The following SLC12A6 variants were observed in gnomAD, a reference collection of about 807,000 sequenced individuals.
SLC12A6 encodes K-Cl cotransporter 3.
SLC12A6 carries 66 observed loss-of-function variants against 135.3 expected under a neutral mutation model. The ratio of observed to expected loss-of-function variants is 0.49; its 90% CI spans 0.40 to 0.60. The LOEUF is 0.60. Among genes scored for constraint, SLC12A6 ranks in the 20% least tolerant of loss-of-function variants. The pLI is 0.00. For synonymous variants in SLC12A6, 513 were observed against 508.8 expected, an observed-to-expected ratio of 1.01 and a Z score of -0.11; for missense variants, 1,058 against 1,452.3, an observed-to-expected ratio of 0.73 and a Z score of 4.41.
intron 25 of SLC12A6, among the ~76,000 whole-genome samples, chr15:34,234,930 T>C (rs1186723203): frequency 6.6e-6 from 1 of 152,212 alleles, no homozygotes; most frequent in Non-Finnish European, 1.5e-5. Context: ...GGAAGGGTTT[T>C]ATACACTGAA....
chr15:34,273,334 G>A (rs769084187), intron 3 of SLC12A6, among the ~76,000 whole-genome samples: 1 of 152,182 alleles, frequency 6.6e-6, no homozygotes, highest in African/African-American at 2.4e-5. Flanking sequence ...CTGGGTGACA[G>A]ATCAAGACTC....
chr15:34,253,927 C>T (rs1892562927), intron 9 of SLC12A6, among the ~76,000 whole-genome samples: 1 of 152,190 alleles, frequency 6.6e-6, no homozygotes, highest in African/African-American at 2.4e-5. Context: ...GATAAAAGCC[C>T]TGACCTAGGC....
chr15:34,298,311 C>T (rs1480679742), intron 2 of SLC12A6, among the ~76,000 whole-genome samples: 1 of 152,022 alleles, frequency 6.6e-6, no homozygotes, highest in African/African-American at 2.4e-5. Context: ...CCCGTTTCTA[C>T]TAAAAATACA....
In SLC12A6 at chr15:34,235,431, A is replaced by ATTTTTTTTT. The variant is rs371322623; in HGVS notation, c.3228-126_3228-118dup. The ATTTTTTTTT allele has an allele frequency of 5.3e-3, 2,657 of 500,494 alleles. 3 individuals are homozygous for ATTTTTTTTT. The highest frequency in any genetic ancestry group is 8.8e-3 in the Middle Eastern group (14 of 1,588). 31.0% of individuals were successfully genotyped at this position (500,494 alleles called of 1,614,324 possible). On this transcript the variant is annotated intron_variant, in intron 24 of 25. Transcript: ENST00000354181. ...TGACTATGGATAATCTGATAAAATGATTTTTTTTTTTTTTTTTTTTGAGAG... is the reference window on the plus strand; with the variant it reads ...TGACTATGGATAATCTGATAAAATGATTTTTTTTTTTTTTTTTTTTTTTTTTTTTGAGAG...
intron 2 of SLC12A6, among the ~76,000 whole-genome samples, chr15:34,331,013 G>T (rs772129337): frequency 6.6e-6 from 1 of 151,464 alleles, no homozygotes; most frequent in African/African-American, 2.4e-5. Context: ...TTGCACTCCA[G>T]CCTGGGCGAC....
chr15:34,250,850 C>A (rs1363767390), intron 11 of SLC12A6, 49 bp downstream of exon 11: 7 of 1,529,710 alleles, frequency 4.6e-6, no homozygotes, highest in Non-Finnish European at 6.3e-6. Flanking sequence ...AGAAAAATCA[C>A]TCCGTGGGTC....
intron 2 of SLC12A6, among the ~76,000 whole-genome samples, chr15:34,325,403 C>A (rs1464725335): frequency 6.6e-6 from 1 of 152,120 alleles, no homozygotes; most frequent in East Asian, 1.9e-4. Context: ...GACCAACTAT[C>A]ATGGGATGGT....
chr15:34,308,773 TAGA>T (rs1474723973), intron 2 of SLC12A6, among the ~76,000 whole-genome samples: 4 of 151,814 alleles, frequency 2.6e-5, no homozygotes, highest in Non-Finnish European at 4.4e-5. Context: ...AACAAAACGG[TAGA>T]AGAAGCAGTT....
rs1202745022 is a variant in SLC12A6 at position 34,250,371 on chromosome 15, T to G, written c.1592-16A>C. 2.0e-6 allele frequency: 3 copies of G among 1,532,408 alleles called. No individual in the cohort carries two copies. In the African/African-American group the frequency reaches 4.1e-5, roughly 21 times the overall value. 94.9% of individuals were successfully genotyped at this position (1,532,408 alleles called of 1,614,324 possible). A position where few individuals can be genotyped will look rare whatever the true frequency, so the allele number is the denominator to read the frequency against. ...TTGCTTAAATCTACCATATTGAGAG[T>G]CAAGGAAACTGTTGTTTACCCTCTA... On this transcript the variant is annotated splice_polypyrimidine_tract_variant and intron_variant, in intron 12 of 25. Coordinates refer to ENST00000354181, the MANE Select transcript of SLC12A6 (RefSeq NM_001365088.1).
intron 2 of SLC12A6, among the ~76,000 whole-genome samples, chr15:34,284,222 A>G (rs1490561341): frequency 1.3e-5 from 2 of 150,290 alleles, no homozygotes; most frequent in East Asian, 3.9e-4. Context: ...ACGGAAAGAG[A>G]GCTCACGGGC....
chr15:34,253,430 C>T (rs1485399522), intron 9 of SLC12A6, among the ~76,000 whole-genome samples: 1 of 152,120 alleles, frequency 6.6e-6, no homozygotes, highest in Non-Finnish European at 1.5e-5. Flanking sequence ...TAAAAAGGAC[C>T]TTCAGCTGTA....
intron 13 of SLC12A6, among the ~76,000 whole-genome samples, chr15:34,248,720 G>A (rs573257106): frequency 2.0e-5 from 3 of 152,166 alleles, no homozygotes; most frequent in Admixed American, 6.5e-5. Context: ...AAAACAAGTA[G>A]CTGCAATATA....
intron 6 of SLC12A6, among the ~76,000 whole-genome samples, chr15:34,257,077 AAGG>A (rs1161446773): frequency 2.6e-5 from 4 of 152,174 alleles, no homozygotes. Context: ...AGTGATAAAA[AAGG>A]ACAGTAGAAA....
chr15:34,260,998 T>C lies in SLC12A6; in HGVS notation c.339A>G (p.Arg113=). 1 of 1,574,930 alleles carries C rather than the reference T, an allele frequency of 6.3e-7. No homozygotes were observed. Reference sequence around the variant, plus strand: ...AATTGGAATTATTGAGATAAGCATTTCGAGCTTTCTTATGTCCGTCGTCTG... The same window carrying C: ...AATTGGAATTATTGAGATAAGCATTCCGAGCTTTCTTATGTCCGTCGTCTG... ...QLLDDGHKKA[R]NAYLNNSNYE... The change falls in exon 4 of 26, where the codon CGA becomes CGG. Residue 113 remains arginine, a synonymous_variant. Transcript: ENST00000354181.
chr15:34,275,598 A>G (rs1894245189), intron 2 of SLC12A6, among the ~76,000 whole-genome samples: 1 of 152,208 alleles, frequency 6.6e-6, no homozygotes, highest in Admixed American at 6.5e-5. Context: ...CACCATCAGC[A>G]ATTCTACTCC....
chr15:34,250,019 C>T (rs1318115923), intron 13 of SLC12A6, among the ~76,000 whole-genome samples: 1 of 152,188 alleles, frequency 6.6e-6, no homozygotes, highest in Admixed American at 6.5e-5. Flanking sequence ...ATCCTCCCAC[C>T]TCAGTCCCCC....
intron 2 of SLC12A6, among the ~76,000 whole-genome samples, chr15:34,322,399 C>T (rs1889157879): frequency 1.3e-5 from 2 of 151,766 alleles, no homozygotes; most frequent in South Asian, 4.2e-4. Flanking sequence ...AAAACAAAAA[C>T]TCGTGCCTTC....
chr15:34,261,682 G>A (rs1893144573), intron 3 of SLC12A6, among the ~76,000 whole-genome samples: 1 of 152,180 alleles, frequency 6.6e-6, no homozygotes. Context: ...TGTGTTAGAT[G>A]TAGTCTCCTT....
At chr15:34,280,270 AAT>A (rs1227473562) in intron 2 of SLC12A6, among the ~76,000 whole-genome samples, 1 of 152,202 alleles carries the variant, frequency 6.6e-6, no homozygotes, top group Non-Finnish European at 1.5e-5. Flanking sequence ...TAGAATCAGT[AAT>A]ATAATTAAAT....
Sources: allele counts gnomAD v4.1 joint callset (sites outside exome capture counted in the v4.1 genomes callset), GRCh38; gene constraint gnomAD v4.1.1; transcripts MANE v1.5; gene names NCBI Gene and HGNC (gene_info 2026-07-23, HGNC 2026-07-21).